The following DIABLO variants were observed in gnomAD, a reference collection of about 807,000 sequenced individuals.
DIABLO encodes the protein diablo homolog, mitochondrial.
A neutral mutation model predicts 31.7 loss-of-function variants in DIABLO; 32 were observed. The observed-to-expected ratio is 1.01, with a 90% CI of 0.76 to 1.35. The LOEUF is 1.35. Ranked by LOEUF, DIABLO falls within the 40% of genes most tolerant of loss-of-function variation. DIABLO has a pLI of 0.00. For synonymous variants in DIABLO, 132 were observed against 103.2 expected (o/e 1.28, Z -1.69); for missense variants, 316 against 286.4 (o/e 1.10, Z -0.75).
chr12:122,213,098 G>A (rs563840658), intron 5 of DIABLO, among the ~76,000 whole-genome samples: 1 of 152,098 alleles, frequency 6.6e-6, no homozygotes, highest in Admixed American at 6.6e-5. Context: ...TTTTTTTGTA[G>A]AGACAGGGTT....
intron 5 of DIABLO, among the ~76,000 whole-genome samples, chr12:122,211,151 G>T (rs1954080381): frequency 7.7e-6 from 1 of 130,696 alleles, no homozygotes; most frequent in African/African-American, 2.9e-5. Flanking sequence ...TGTAATCCCA[G>T]CACTTTGGGA....
chr12:122,214,627 T>C (rs1954164022), intron 5 of DIABLO, among the ~76,000 whole-genome samples: 1 of 152,164 alleles, frequency 6.6e-6, no homozygotes, highest in African/African-American at 2.4e-5. Context: ...GGTTTCACTG[T>C]GTTGCCCTTG....
Position 122,216,674 on chromosome 12 carries a change from T to C in DIABLO, c.426+85A>G, listed in dbSNP as rs150291227. The C allele has an allele frequency of 1.7e-4, 263 of 1,540,746 alleles. 1 individual carries two copies. In the East Asian group the frequency reaches 5.9e-3, roughly 34 times the overall value. ...AGTAGTAGATTTAGAGAACACTGATTATATTGATTAGACTTAATTCAATAA... is the reference window on the plus strand; with the variant it reads ...AGTAGTAGATTTAGAGAACACTGATCATATTGATTAGACTTAATTCAATAA... On this transcript the variant is annotated intron_variant, in intron 4 of 5. Transcript: ENST00000464942.
chr12:122,218,592 T>C (rs1209789101), intron 2 of DIABLO, 195 bp from the exon 3 acceptor site: 9 of 634,204 alleles, frequency 1.4e-5, no homozygotes, highest in Middle Eastern at 3.3e-4. Flanking sequence ...TTCCGGAGTA[T>C]GCTTTCTACC....
intron 5 of DIABLO, among the ~76,000 whole-genome samples, chr12:122,213,888 C>T (rs186465937): frequency 4.5e-4 from 68 of 152,164 alleles, no homozygotes; most frequent in Non-Finnish European, 7.6e-4. Context: ...AATTCAAGAC[C>T]GGTCTGGCCA....
At chr12:122,209,748 C>T (rs1449165084) in intron 5 of DIABLO, 3 of 702,964 alleles carry the variant, frequency 4.3e-6, no homozygotes, top group Admixed American at 4.0e-5. Flanking sequence ...TTTATCAATT[C>T]GTCTGTAGAA....
At chr12:122,226,228 C>T (rs1425383597), upstream of DIABLO, 1 of 795,430 alleles carries the variant, frequency 1.3e-6, no homozygotes, top group Non-Finnish European at 2.1e-6. Context: ...GGAACTTCCG[C>T]GCGGGGCGGG....
intron 5 of DIABLO, among the ~76,000 whole-genome samples, chr12:122,214,191 A>G (rs1395611640): frequency 2.6e-5 from 4 of 152,132 alleles, no homozygotes; most frequent in Non-Finnish European, 5.9e-5. Flanking sequence ...AAAATGTTTT[A>G]TATCTTTTCT....
Position 122,208,470 on chromosome 12 carries a change from C to T in DIABLO, c.631G>A (p.Ala211Thr), listed in dbSNP as rs751124169. 1.9e-6 allele frequency: 3 copies of T among 1,614,186 alleles called. No homozygotes were observed. Among genetic ancestry groups the T allele is most frequent in the Non-Finnish European group, 2.5e-6 (3 of 1,180,042 alleles). Residue 211 changes from alanine to threonine, a missense_variant, in exon 6 of 6, where the codon GCA becomes ACA. By Grantham distance (58) the Ala-to-Thr change is moderately conservative (BLOSUM62 0). Coordinates refer to ENST00000464942, the MANE Select transcript of DIABLO (RefSeq NM_001371333.1). ...SRKAETKLAE[A>T]QIEELRQKTQ... ...TTCTGACGGAGCTCTTCTATCTGTG[C>T]TTCTGCCAGCTTGGTTTCTGCTTTC...
At chr12:122,210,734 A>C (rs952807584) in intron 5 of DIABLO, among the ~76,000 whole-genome samples, 1 of 152,070 alleles carries the variant, frequency 6.6e-6, no homozygotes, top group Non-Finnish European at 1.5e-5. Context: ...ACCTGGTACA[A>C]AATTTACTGT....
Position 122,207,999 on chromosome 12 carries a change from A to AATC in DIABLO, c.*379_*381dup, listed in dbSNP as rs1435968022. The AATC allele has an allele frequency of 8.3e-6, 4 of 480,216 alleles. No individual in the cohort carries two copies. The highest frequency in any genetic ancestry group is 7.8e-5 in the African/African-American group (4 of 51,036). 29.7% of individuals were successfully genotyped at this position (480,216 alleles called of 1,614,324 possible). On this transcript the variant is annotated 3_prime_UTR_variant, in exon 6 of 6. Transcript: ENST00000464942. ...ATCCCAACAGAGGGAACAAGTACTA[A>AATC]ATCATTTTTGACGACGTAAATAAGA...
At chr12:122,213,569 T>C (rs146855044) in intron 5 of DIABLO, among the ~76,000 whole-genome samples, 9 of 151,260 alleles carry the variant, frequency 6.0e-5, no homozygotes, top group Admixed American at 1.3e-4. Context: ...TCTAGGAAAA[T>C]GTCTACTTTT....
At chr12:122,224,815 G>A (rs980270186) in intron 1 of DIABLO, 171 bp from the exon 2 acceptor site, 6 of 1,525,372 alleles carry the variant, frequency 3.9e-6, no homozygotes, top group Middle Eastern at 1.7e-4. Flanking sequence ...TTAAAATGTT[G>A]CCTCAGGCAG....
intron 5 of DIABLO, chr12:122,209,598 G>T (rs912505028): frequency 3.4e-6 from 2 of 588,252 alleles, no homozygotes; most frequent in Non-Finnish European, 6.1e-6. Flanking sequence ...CTGGGAGGCG[G>T]AGGTTGCAGT....
chr12:122,209,956 A>G, intron 5 of DIABLO: 1 of 608,682 alleles, frequency 1.6e-6, no homozygotes. Context: ...ATAAATGGCT[A>G]CTACACTGAA....
In DIABLO at chr12:122,215,397, G is replaced by A. The variant is rs1200352939; in HGVS notation, c.523+1091C>T. The stretch of plus-strand genomic sequence containing the variant: ...AGTTCAAGACCAGCCTGGCCAACAT[G>A]GCAAAACCCCTTCTCTATTAAAAAT... On this transcript the variant is annotated intron_variant, in intron 5 of 5. Transcript: ENST00000464942. Among the ~76,000 whole-genome samples the A allele has an allele frequency of 3.3e-5, 5 of 151,824 alleles. No homozygotes were observed. The South Asian group carries it at 1.0e-3, about 32-fold the overall frequency.
intron 2 of DIABLO, 108 bp from the exon 3 acceptor site, chr12:122,218,505 T>G: frequency 1.4e-6 from 2 of 1,400,208 alleles, no homozygotes; most frequent in Non-Finnish European, 2.0e-6. Context: ...TGTTTTAGGC[T>G]GAAACTGCAC....
intron 1 of DIABLO, chr12:122,224,883 A>G: frequency 1.4e-6 from 2 of 1,412,774 alleles, no homozygotes; most frequent in South Asian, 2.6e-5. Context: ...GCAAGGCGGG[A>G]GGATCACTTG....
At chr12:122,220,065 TC>T (rs1459352464) in intron 2 of DIABLO, among the ~76,000 whole-genome samples, 1 of 151,498 alleles carries the variant, frequency 6.6e-6, no homozygotes. Flanking sequence ...TGCCTCAGCT[TC>T]CCCAGTGGCT....
Sources: gnomAD v4.1 joint callset for allele counts (sites outside exome capture counted in the v4.1 genomes callset) on GRCh38, gnomAD v4.1.1 for gene constraint, MANE v1.5 for transcripts, NCBI Gene and HGNC (gene_info 2026-07-23, HGNC 2026-07-21) for gene names.